The following JARID2 variants were observed in gnomAD, a reference collection of about 807,000 sequenced individuals.
The protein encoded by JARID2 is protein Jumonji.
A neutral mutation model predicts 125.6 loss-of-function variants in JARID2; 21 were observed. That is an observed-to-expected ratio of 0.17 (90% CI 0.12 to 0.24). The LOEUF (loss-of-function observed/expected upper bound fraction) is 0.24. JARID2 is among the 10% of genes least tolerant of loss of function. JARID2 has a pLI of 1.00. For missense variants in JARID2, 1,303 were observed against 1,639.6 expected, an observed-to-expected ratio of 0.79 and a Z score of 3.55; for synonymous variants, 736 against 661.6, an observed-to-expected ratio of 1.11 and a Z score of -1.73.
At chr6:15,511,641 G>A (rs905892485) in intron 13 of JARID2, among the ~76,000 whole-genome samples, 22 of 152,216 alleles carry the variant, frequency 1.4e-4, no homozygotes, top group Admixed American at 5.9e-4. Flanking sequence ...GTTGTGGGCT[G>A]CTGTGGGCCC....
rs2127669737 is a variant in JARID2 at position 15,465,350 on chromosome 6, C to G, written c.494-3192C>G. Among the ~76,000 whole-genome samples the G allele has an allele frequency of 1.3e-5, 2 of 152,224 alleles. 1 individual carries two copies. The highest frequency in any genetic ancestry group is 4.1e-4 in the South Asian group (2 of 4,820). On this transcript the variant is annotated intron_variant, in intron 4 of 17. Coordinates refer to ENST00000341776, the MANE Select transcript of JARID2 (RefSeq NM_004973.4). ...CACCTGTAGTCCCAGCTACAGGAGG[C>G]TGAGGTGGGAGGATCACTTGTGGCC...
chr6:15,364,737 C>T (rs1271720000), intron 1 of JARID2, among the ~76,000 whole-genome samples: 5 of 152,200 alleles, frequency 3.3e-5, no homozygotes, highest in African/African-American at 4.8e-5. Flanking sequence ...CACGCAATGT[C>T]AATTGAAACC....
rs575119115 is a variant in JARID2, at chr6:15,323,147, A to AC, written c.46-50968dup. ...TTTCTTTTGCACTCTGTGGTACGAA[A>AC]CCTCTTAGCTCTGTGTGGGTGGTGG... On this transcript the variant is annotated intron_variant, in intron 1 of 17. Coordinates refer to ENST00000341776, the MANE Select transcript of JARID2 (RefSeq NM_004973.4). Among the ~76,000 whole-genome samples, 17 of 152,260 alleles carry AC rather than the reference A, an allele frequency of 1.1e-4. No individual in the cohort carries two copies. The South Asian group carries it at 3.5e-3, about 32-fold the overall frequency.
intron 16 of JARID2, among the ~76,000 whole-genome samples, chr6:15,515,094 A>T (rs1242470728): frequency 6.6e-6 from 1 of 150,888 alleles, no homozygotes; most frequent in Non-Finnish European, 1.5e-5. Flanking sequence ...GTTGCCTAGG[A>T]TGGAATGCGT....
intron 1 of JARID2, among the ~76,000 whole-genome samples, chr6:15,249,375 A>G (rs1759346929): frequency 1.3e-5 from 2 of 151,442 alleles, no homozygotes; most frequent in South Asian, 4.2e-4. Flanking sequence ...GTACCTACTG[A>G]CTGTTATTTT....
intron 3 of JARID2, among the ~76,000 whole-genome samples, chr6:15,428,319 G>A (rs1036195563): frequency 1.3e-5 from 2 of 152,044 alleles, no homozygotes; most frequent in Non-Finnish European, 2.9e-5. Context: ...TGCACAATGT[G>A]CAGGTTTGTT....
intron 3 of JARID2, among the ~76,000 whole-genome samples, chr6:15,415,737 G>A (rs539300906): frequency 0.016 from 1,965 of 122,850 alleles, 11 homozygotes; most frequent in African/African-American, 0.026. Context: ...CTGGCCAGGC[G>A]GAGGGGCTCC....
At chr6:15,270,057 C>T (rs2127350803) in intron 1 of JARID2, among the ~76,000 whole-genome samples, 1 of 152,280 alleles carries the variant, frequency 6.6e-6, no homozygotes, top group South Asian at 2.1e-4. Flanking sequence ...TTCTGTAGAT[C>T]CTAGCACTTG....
At chr6:15,305,699 G>A (rs571755820) in intron 1 of JARID2, among the ~76,000 whole-genome samples, 1 of 152,122 alleles carries the variant, frequency 6.6e-6, no homozygotes, top group South Asian at 2.1e-4. Context: ...GAGTTCAAGG[G>A]GTCTTCAGGG....
chr6:15,418,413 A>G (rs1054345052), intron 3 of JARID2, among the ~76,000 whole-genome samples: 2 of 152,000 alleles, frequency 1.3e-5, no homozygotes, highest in Non-Finnish European at 2.9e-5. Context: ...AGACGGTTTC[A>G]CCATGTTGGC....
chr6:15,466,006 A>C (rs1270315120), intron 4 of JARID2, among the ~76,000 whole-genome samples: 1 of 151,724 alleles, frequency 6.6e-6, no homozygotes, highest in Non-Finnish European at 1.5e-5. Context: ...GTTTCACCAT[A>C]TTGGCCAGGC....
At chr6:15,477,282 G>A (rs542968913) in intron 5 of JARID2, among the ~76,000 whole-genome samples, 2 of 152,068 alleles carry the variant, frequency 1.3e-5, no homozygotes, top group African/African-American at 4.8e-5. Flanking sequence ...TTGTCTGGGC[G>A]GTGGGGTGTT....
chr6:15,404,342 G>A (rs538746326), intron 2 of JARID2, among the ~76,000 whole-genome samples: 6 of 152,282 alleles, frequency 3.9e-5, no homozygotes, highest in East Asian at 3.9e-4. Context: ...CCCTGGCATC[G>A]GAATGCCTAC....
chr6:15,462,626 A>T (rs1468437013), intron 4 of JARID2, among the ~76,000 whole-genome samples: 1 of 152,236 alleles, frequency 6.6e-6, no homozygotes, highest in African/African-American at 2.4e-5. Context: ...TATCCCGAAG[A>T]TGAAACACAA....
intron 1 of JARID2, among the ~76,000 whole-genome samples, chr6:15,366,899 G>A (rs1274222661): frequency 6.6e-6 from 1 of 152,028 alleles, no homozygotes; most frequent in Non-Finnish European, 1.5e-5. Context: ...ATCCTGCTAT[G>A]TCTATGTTAT....
At chr6:15,263,002 C>T (rs954304503) in intron 1 of JARID2, among the ~76,000 whole-genome samples, 2 of 151,978 alleles carry the variant, frequency 1.3e-5, no homozygotes, top group Non-Finnish European at 2.9e-5. Flanking sequence ...AAGTGATGTG[C>T]TCTGTTCAGC....
At chr6:15,425,367 T>C (rs571637408) in intron 3 of JARID2, among the ~76,000 whole-genome samples, 1 of 152,284 alleles carries the variant, frequency 6.6e-6, no homozygotes, top group South Asian at 2.1e-4. Context: ...TTAAGCCTGT[T>C]TTGAGCCACA....
At chr6:15,358,676 A>G (rs1023804801) in intron 1 of JARID2, among the ~76,000 whole-genome samples, 1 of 152,254 alleles carries the variant, frequency 6.6e-6, no homozygotes, top group Non-Finnish European at 1.5e-5. Flanking sequence ...TACTGTCAAG[A>G]AAAACATGTA....
chr6:15,468,455 C>A (rs1768852614), intron 4 of JARID2, 87 bp from the exon 5 acceptor site: 2 of 1,213,506 alleles, frequency 1.6e-6, no homozygotes, highest in East Asian at 2.5e-5. Flanking sequence ...TGTTTTTTCT[C>A]CTCGGTTTTG....
Sources: allele counts gnomAD v4.1 joint callset (sites outside exome capture counted in the v4.1 genomes callset), GRCh38; gene constraint gnomAD v4.1.1; transcripts MANE v1.5; gene names NCBI Gene and HGNC (gene_info 2026-07-23, HGNC 2026-07-21).